The following STXBP4 variants were observed in gnomAD, a reference collection of about 807,000 sequenced individuals.
STXBP4 encodes the protein syntaxin binding protein 4.
In STXBP4, 55 loss-of-function variants were observed where a neutral mutation model predicts 76.1. The observed-to-expected ratio is 0.72, with a 90% confidence interval of 0.58 to 0.91. The LOEUF (loss-of-function observed/expected upper bound fraction) is 0.91. Ranked by LOEUF, STXBP4 falls within the 40% of genes least tolerant of loss-of-function variation. The pLI, the probability that STXBP4 is intolerant of heterozygous loss-of-function variation, is 0.00. For synonymous variants in STXBP4, 201 were observed against 220.2 expected (o/e 0.91, Z 0.77); for missense variants, 618 against 636.9 (o/e 0.97, Z 0.32).
At chr17:55,126,316 T>C (rs545020728) in intron 16 of STXBP4, among the ~76,000 whole-genome samples, 2 of 152,308 alleles carry the variant, frequency 1.3e-5, no homozygotes, top group East Asian at 3.9e-4. Flanking sequence ...TTGTTATACC[T>C]ACATGCAATG....
At chr17:55,050,623 T>C (rs1209412903) in intron 12 of STXBP4, among the ~76,000 whole-genome samples, 1 of 152,130 alleles carries the variant, frequency 6.6e-6, no homozygotes, top group African/African-American at 2.4e-5. Context: ...AATATTAACA[T>C]GTACCTAGAA....
rs2080387297 is a variant in STXBP4 at position 55,168,221 on chromosome 17, AT to A, written c.*8311del. 2 of 129,594 alleles carry A rather than the reference AT, an allele frequency of 1.5e-5. No individual in the cohort carries two copies. Among genetic ancestry groups the A allele is most frequent in the Non-Finnish European group, 3.3e-5 (2 of 61,166 alleles). 8.0% of individuals were successfully genotyped at this position (129,594 alleles called of 1,614,324 possible). A position where few individuals can be genotyped will look rare whatever the true frequency, so the allele number is the denominator to read the frequency against. On this transcript the variant is annotated 3_prime_UTR_variant, in exon 18 of 18. Coordinates refer to ENST00000376352, the MANE Select transcript of STXBP4 (RefSeq NM_178509.6). ...TATGTGTGTGTGTGTGTGTGTATAT[AT>A]ATATATCTGTGTGTATATACACACC...
chr17:55,044,595 T>C (rs2078758830), intron 11 of STXBP4: 1 of 152,006 alleles, frequency 6.6e-6, no homozygotes, highest in African/African-American at 2.4e-5. Flanking sequence ...GCTCAGGAGT[T>C]TAACATCAGC....
chr17:55,073,188 C>A, intron 13 of STXBP4, 112 bp downstream of exon 13: 1 of 969,528 alleles, frequency 1.0e-6, no homozygotes. Context: ...TGTTTGTCTT[C>A]TATTATTCAA....
At chr17:55,107,568 C>A (rs190192180) in intron 16 of STXBP4, among the ~76,000 whole-genome samples, 1 of 151,730 alleles carries the variant, frequency 6.6e-6, no homozygotes, top group South Asian at 2.1e-4. Context: ...TCCACGTCTT[C>A]GTTTGATGTT....
At chr17:55,083,605 A>C (rs1380307555) in intron 16 of STXBP4, among the ~76,000 whole-genome samples, 1 of 152,138 alleles carries the variant, frequency 6.6e-6, no homozygotes, top group African/African-American at 2.4e-5. Flanking sequence ...GAGCACTCTC[A>C]CGTGGTTGCA....
Position 55,089,488 on chromosome 17 carries a change from A to C in STXBP4, c.1489+8305A>C, listed in dbSNP as rs531657850. 3.3e-5 allele frequency among the ~76,000 whole-genome samples: 5 copies of C among 152,330 alleles called. No individual in the cohort carries two copies. In the South Asian group the frequency reaches 1.0e-3, roughly 32 times the overall value. ...TTTCAGTTGTTTATTGCTAACTGTG[A>C]GGAAACTTTTGTCTGTTCTGTCATT... On this transcript the variant is annotated intron_variant, in intron 16 of 17. Coordinates refer to ENST00000376352, the MANE Select transcript of STXBP4 (RefSeq NM_178509.6).
At chr17:55,003,026 G>C (rs1369855994) in intron 7 of STXBP4, among the ~76,000 whole-genome samples, 2 of 151,978 alleles carry the variant, frequency 1.3e-5, no homozygotes. Flanking sequence ...ATATAATAAG[G>C]AATCTGTCAC....
chr17:55,095,308 G>A (rs1182959061), intron 16 of STXBP4, among the ~76,000 whole-genome samples: 1 of 152,172 alleles, frequency 6.6e-6, no homozygotes, highest in African/African-American at 2.4e-5. Flanking sequence ...TATAATGATA[G>A]AATGCCTAAA....
At chr17:55,118,994 T>G (rs1056302680) in intron 16 of STXBP4, among the ~76,000 whole-genome samples, 19 of 150,994 alleles carry the variant, frequency 1.3e-4, no homozygotes, top group Admixed American at 2.7e-4. Context: ...CTAGGTTACA[T>G]GTGCACAATG....
the STXBP4 span, among the ~76,000 whole-genome samples, chr17:55,205,597 G>A: frequency 1.3e-5 from 2 of 151,644 alleles, no homozygotes; most frequent in Non-Finnish European, 1.5e-5. Flanking sequence ...TGGGACAGGT[G>A]AAGAGACAAT....
At position 55,072,937 on chromosome 17, in the gene STXBP4, G is replaced by A. The variant is rs763528779; in HGVS notation, c.1049G>A (p.Arg350His). ...GTAGTTGAAGAAACAAGAGCCCTGC[G>A]TAGTCGGATTCATCTTGCTGAAGCT... is the stretch of plus-strand genomic sequence containing the variant. Reference protein sequence around the residue: ...KAVVEETRALRSRIHLAEAAQ... With the variant: ...KAVVEETRALHSRIHLAEAAQ... The change falls in exon 13 of 18, where the codon CGT (arginine) becomes CAT (histidine). Residue 350 changes from arginine to histidine, a missense_variant. Physicochemically the swap from Arg to His is conservative, Grantham distance 29. Transcript: ENST00000376352. The A allele has an allele frequency of 5.4e-5, 87 of 1,613,414 alleles. No individual in the cohort carries two copies. Among genetic ancestry groups the A allele is most frequent in the Non-Finnish European group, 7.0e-5 (82 of 1,179,748 alleles).
rs1567790482 is a variant in STXBP4 at position 55,168,206 on chromosome 17, T to A, written c.*8295T>A. The stretch of plus-strand genomic sequence containing the variant: ...CACATACACTTAGTATATGTGTGTG[T>A]GTGTGTGTGTATATATATATATCTG... On this transcript the variant is annotated 3_prime_UTR_variant, in exon 18 of 18. Transcript: ENST00000376352. 7.5e-6 allele frequency: 1 copy of A among 133,100 alleles called. No individual in the cohort carries two copies. Among genetic ancestry groups the A allele is most frequent in the African/African-American group, 2.9e-5 (1 of 35,036 alleles). The allele number at this position is 133,100 out of a possible 1,614,324, so 8.2% of individuals were successfully genotyped here.
chr17:55,021,670 T>G (rs181306273), intron 8 of STXBP4, among the ~76,000 whole-genome samples: 2 of 152,172 alleles, frequency 1.3e-5, no homozygotes, highest in Non-Finnish European at 2.9e-5. Context: ...GTGGATGTTA[T>G]TGTTTATTAT....
chr17:55,057,925 A>G (rs910776525), intron 12 of STXBP4, among the ~76,000 whole-genome samples: 8 of 152,162 alleles, frequency 5.3e-5, no homozygotes, highest in South Asian at 2.1e-4. Context: ...TGATGTATAT[A>G]TGCCACATTT....
the STXBP4 span, among the ~76,000 whole-genome samples, chr17:55,196,188 A>G: frequency 6.6e-6 from 1 of 152,118 alleles, no homozygotes; most frequent in Non-Finnish European, 1.5e-5. Context: ...GATGACCTGC[A>G]TGTTTTTCAG....
Position 55,075,043 on chromosome 17 carries a change from T to G in STXBP4, c.1188+1967T>G, listed in dbSNP as rs981814571. 2.0e-5 allele frequency among the ~76,000 whole-genome samples: 3 copies of G among 152,146 alleles called. No individual in the cohort carries two copies. In the South Asian group the frequency reaches 6.2e-4, roughly 32 times the overall value. On this transcript the variant is annotated intron_variant, in intron 13 of 17. Transcript: ENST00000376352. ...ATAATTTTTTCTTTATGTTATTTAT[T>G]TATTTATTTACCTTTTGGAGTTTTT... is the stretch of plus-strand genomic sequence containing the variant.
intron 4 of STXBP4, 27 bp from the exon 5 acceptor site, chr17:54,999,318 C>A: frequency 6.4e-7 from 1 of 1,557,656 alleles, no homozygotes; most frequent in Admixed American, 1.9e-5. Flanking sequence ...TCATTAGTTC[C>A]TTTATAAATG....
rs556494911 is a variant in STXBP4, at chr17:55,115,079, G to A, written c.1490-26231G>A. On this transcript the variant is annotated intron_variant, in intron 16 of 17. Coordinates refer to ENST00000376352, the MANE Select transcript of STXBP4 (RefSeq NM_178509.6). ...GATCTCTCTTTATTGATAAGGTGCC[G>A]ATAAGGTTCTGTGAAGTGTATTGAC... Among the ~76,000 whole-genome samples the A allele has an allele frequency of 3.3e-5, 5 of 151,970 alleles. No individual in the cohort carries two copies. In the East Asian group the frequency reaches 9.6e-4, roughly 29 times the overall value.
Sources: allele counts gnomAD v4.1 joint callset (sites outside exome capture counted in the v4.1 genomes callset), GRCh38; gene constraint gnomAD v4.1.1; transcripts MANE v1.5; gene names NCBI Gene and HGNC (gene_info 2026-07-23, HGNC 2026-07-21).